The following SLK variants were observed in gnomAD, a reference collection of about 807,000 sequenced individuals.
The protein encoded by SLK is STE20 like kinase.
SLK carries 67 observed loss-of-function variants against 147.7 expected under a neutral mutation model. The ratio of observed to expected loss-of-function variants is 0.45; its 90% CI spans 0.37 to 0.56. The LOEUF (loss-of-function observed/expected upper bound fraction) is 0.56. Among genes scored for constraint, SLK ranks in the 20% least tolerant of loss-of-function variants. SLK has a pLI of 0.00. For missense variants in SLK, 1,136 were observed against 1,438.8 expected (o/e 0.79, Z 3.41); for synonymous variants, 441 against 475.0 (o/e 0.93, Z 0.93).
intron 7 of SLK, among the ~76,000 whole-genome samples, chr10:104,001,058 CAAAAAAA>C (rs57046306): frequency 2.7e-4 from 19 of 71,006 alleles, no homozygotes; most frequent in South Asian, 2.6e-3. Context: ...GACTCCGTCT[CAAAAAAA>C]AAAAAAAAAA....
chr10:104,002,036 T>G (rs906184180), intron 8 of SLK, 136 bp from the exon 9 acceptor site: 64 of 719,062 alleles, frequency 8.9e-5, no homozygotes, highest in Middle Eastern at 6.4e-4. Flanking sequence ...ATATTTCTTG[T>G]GAGAAGAATT....
chr10:103,992,599 T>G lies in SLK; in HGVS notation c.317T>G (p.Ile106Ser). 6.3e-7 allele frequency: 1 copy of G among 1,588,738 alleles called. No homozygotes were observed. The highest frequency in any genetic ancestry group is 1.1e-5 in the South Asian group (1 of 87,624). ...TTTTTTTTTTTTTTTTGCATGCAGA[T>G]CCTCATTGAATTTTGTGCAGGTGGA... ...DAFYYENNLW[I>S]LIEFCAGGAV... Residue 106 changes from isoleucine to serine, a missense_variant and splice_region_variant, in exon 3 of 19, where the codon ATC (isoleucine) becomes AGC (serine). Physicochemically the swap from Ile to Ser is moderately radical, Grantham distance 142 (BLOSUM62 -2). Coordinates refer to ENST00000369755, the MANE Select transcript of SLK (RefSeq NM_014720.4).
chr10:104,018,711 ATAT>A, intron 14 of SLK, 70 bp from the exon 15 acceptor site: 1 of 1,454,950 alleles, frequency 6.9e-7, no homozygotes, highest in Non-Finnish European at 9.4e-7. Context: ...TTCTATGTAA[ATAT>A]TAAAATGAAG....
intron 18 of SLK, among the ~76,000 whole-genome samples, chr10:104,023,824 G>C (rs185374661): frequency 6.6e-6 from 1 of 152,032 alleles, no homozygotes; most frequent in African/African-American, 2.4e-5. Flanking sequence ...TGCCATGATC[G>C]CTTCATTTAT....
At chr10:103,981,957 G>C (rs550190819) in intron 1 of SLK, among the ~76,000 whole-genome samples, 2 of 152,200 alleles carry the variant, frequency 1.3e-5, no homozygotes, top group South Asian at 4.1e-4. Context: ...TCCAATATAT[G>C]AACATGGGAT....
chr10:104,010,839 A>G lies in SLK; in HGVS notation c.2808A>G (p.Ala936=), dbSNP rs764991168. ...KKEVINEVEK[A]PKELRKELMK... is the part of the protein sequence containing the mutation. Reference sequence around the variant, plus strand: ...AGGTTATAAATGAAGTGGAGAAAGCACCCAAAGAGCTGAGAAAAGAGCTCA... The same window carrying G: ...AGGTTATAAATGAAGTGGAGAAAGCGCCCAAAGAGCTGAGAAAAGAGCTCA... The change falls in exon 13 of 19, where the codon GCA becomes GCG. Residue 936 remains alanine (A), a synonymous_variant. Transcript: ENST00000369755. 23 of 1,589,436 alleles carry G rather than the reference A, an allele frequency of 1.4e-5. No individual in the cohort carries two copies. Among genetic ancestry groups the G allele is most frequent in the Non-Finnish European group, 1.9e-5 (22 of 1,172,852 alleles).
At chr10:104,004,995 C>T (rs1589539648) in intron 9 of SLK, among the ~76,000 whole-genome samples, 1 of 151,982 alleles carries the variant, frequency 6.6e-6, no homozygotes, top group East Asian at 1.9e-4. Flanking sequence ...GAGGGAGGGG[C>T]TGTCGATATT....
intron 13 of SLK, among the ~76,000 whole-genome samples, chr10:104,017,774 C>T (rs1844483558): frequency 6.6e-6 from 1 of 152,192 alleles, no homozygotes; most frequent in East Asian, 1.9e-4. Context: ...GCCACCACAC[C>T]CGACACTTAA....
At position 104,002,616 on chromosome 10, in the gene SLK, A is replaced by G. The variant is rs546974649; in HGVS notation, c.1438A>G (p.Met480Val). 12 of 1,606,756 alleles carry G rather than the reference A, an allele frequency of 7.5e-6. 1 individual carries two copies. Among genetic ancestry groups the G allele is most frequent in the African/African-American group, 5.4e-5 (4 of 74,604 alleles). Reference protein sequence around the residue: ...EEEKDQEKQQMFENKLIKSEE... With the variant: ...EEEKDQEKQQVFENKLIKSEE... ...AGAAAAGGATCAGGAAAAGCAACAG[A>G]TGTTTGAAAATAAGCTTATAAAATC... The change falls in exon 9 of 19, where the codon ATG (methionine) becomes GTG (valine). Residue 480 changes from methionine (M) to valine (V), a missense_variant. By Grantham distance (21) the Met-to-Val change is conservative (BLOSUM62 1). Transcript: ENST00000369755.
At chr10:103,985,966 A>G (rs1844007274) in intron 1 of SLK, among the ~76,000 whole-genome samples, 1 of 152,208 alleles carries the variant, frequency 6.6e-6, no homozygotes, top group African/African-American at 2.4e-5. Flanking sequence ...ATTCATGAAA[A>G]TAAAAACAGT....
chr10:104,009,410 G>A (rs944817282), intron 12 of SLK, among the ~76,000 whole-genome samples: 1 of 152,088 alleles, frequency 6.6e-6, no homozygotes, highest in Non-Finnish European at 1.5e-5. Flanking sequence ...TTTAAAAAGG[G>A]TAGAGTCAAA....
chr10:103,977,187 CATTT>C (rs1279509107), intron 1 of SLK, among the ~76,000 whole-genome samples: 1 of 151,978 alleles, frequency 6.6e-6, no homozygotes, highest in African/African-American at 2.4e-5. Context: ...GATTGCTTTT[CATTT>C]ATTTAATTCT....
At chr10:103,978,927 T>C (rs564344820) in intron 1 of SLK, among the ~76,000 whole-genome samples, 35 of 152,352 alleles carry the variant, frequency 2.3e-4, no homozygotes, top group African/African-American at 7.7e-4. Context: ...GTGAGCAAAG[T>C]TAATAAATTT....
At chr10:103,992,714 C>A in intron 3 of SLK, 68 bp downstream of exon 3, 1 of 1,381,118 alleles carries the variant, frequency 7.2e-7, no homozygotes, top group Non-Finnish European at 9.9e-7. Context: ...GAATTTCAAC[C>A]ATATATAAAT....
At chr10:104,015,157 G>T (rs561693868) in intron 13 of SLK, among the ~76,000 whole-genome samples, 1 of 152,164 alleles carries the variant, frequency 6.6e-6, no homozygotes, top group African/African-American at 2.4e-5. Context: ...TACAGTGTCC[G>T]ACTACATAGT....
intron 1 of SLK, among the ~76,000 whole-genome samples, chr10:103,988,934 A>C (rs980320093): frequency 6.6e-6 from 1 of 152,220 alleles, no homozygotes; most frequent in Non-Finnish European, 1.5e-5. Flanking sequence ...CAAAACCAGA[A>C]TTTAAATCCA....
chr10:103,999,420 G>T, intron 6 of SLK, 107 bp downstream of exon 6: 1 of 833,738 alleles, frequency 1.2e-6, no homozygotes, highest in Non-Finnish European at 1.9e-6. Context: ...TTGGATACAT[G>T]GTTCGAAGAC....
chr10:103,975,290 C>A (rs1188306661), intron 1 of SLK, among the ~76,000 whole-genome samples: 2 of 152,130 alleles, frequency 1.3e-5, no homozygotes, highest in African/African-American at 4.8e-5. Context: ...TGAACTAATT[C>A]AGCTCATGAT....
rs117870133 is a variant in SLK at position 104,008,715 on chromosome 10, T to C, written c.2784+359T>C. On this transcript the variant is annotated intron_variant, in intron 12 of 18. Transcript: ENST00000369755. The stretch of plus-strand genomic sequence containing the variant: ...CTACCATTGTCCTTAATGCAACACA[T>C]TTAAGTCCTTATATAAAAGTATTTT... Among the ~76,000 whole-genome samples the C allele has an allele frequency of 5.9e-3, 901 of 152,322 alleles. 3 individuals carry two copies. The highest frequency in any genetic ancestry group is 0.01 in the Non-Finnish European group (699 of 68,020).
Sources: gnomAD v4.1 joint callset for allele counts (sites outside exome capture counted in the v4.1 genomes callset) on GRCh38, gnomAD v4.1.1 for gene constraint, MANE v1.5 for transcripts, NCBI Gene and HGNC (gene_info 2026-07-23, HGNC 2026-07-21) for gene names.